Variants in WDR38 observed in about 807,000 individuals in gnomAD.
WDR38 encodes WD repeat domain 38.
Under a neutral mutation model 36.6 loss-of-function variants are expected in WDR38, and 37 were observed. That is an observed-to-expected ratio of 1.01 (90% CI 0.78 to 1.33). The LOEUF (loss-of-function observed/expected upper bound fraction) is 1.33. WDR38 is among the 40% of genes most tolerant of loss of function. The pLI is 0.00. For synonymous variants in WDR38, 164 were observed against 168.1 expected, an observed-to-expected ratio of 0.98 and a Z score of 0.19; for missense variants, 411 against 414.6, an observed-to-expected ratio of 0.99 and a Z score of 0.07.
chr9:124,857,457 C>G, intron 8 of WDR38, 45 bp from the exon 9 acceptor site: 1 of 1,614,136 alleles, frequency 6.2e-7, no homozygotes, highest in Non-Finnish European at 8.5e-7. Context: ...GACAGCTTCT[C>G]CCAAGGCAGG....
intron 2 of WDR38, among the ~76,000 whole-genome samples, chr9:124,854,989 C>A (rs1426886651): frequency 6.6e-6 from 1 of 152,182 alleles, no homozygotes; most frequent in Non-Finnish European, 1.5e-5. Flanking sequence ...AGTCCCCAAT[C>A]TCCCTCCTCC....
chr9:124,856,090 G>T, intron 4 of WDR38, 132 bp downstream of exon 4: 5 of 1,517,928 alleles, frequency 3.3e-6, no homozygotes, highest in Non-Finnish European at 4.5e-6. Flanking sequence ...GGCAACCAAG[G>T]CTGCCCCCAC....
chr9:124,856,421 G>A (rs1233900043), intron 5 of WDR38, 48 bp from the exon 6 acceptor site: 11 of 1,612,006 alleles, frequency 6.8e-6, no homozygotes, highest in African/African-American at 1.3e-5. Flanking sequence ...CCTAGATGCA[G>A]AGTGGGTGGA....
chr9:124,853,537 C>G lies in WDR38; in HGVS notation c.6C>G (p.Asn2Lys). The G allele has an allele frequency of 8.0e-7, 1 of 1,246,466 alleles. No homozygotes were observed. The highest frequency in any genetic ancestry group is 3.1e-5 in the East Asian group (1 of 32,078). 77.2% of individuals were successfully genotyped at this position (1,246,466 alleles called of 1,614,324 possible). The change falls in exon 1 of 9, where the codon AAC (asparagine) becomes AAG (lysine). Residue 2 changes from asparagine (N) to lysine (K), a missense_variant. Physicochemically the swap from Asn to Lys is moderately conservative, Grantham distance 94. Transcript: ENST00000373574. The part of the protein sequence containing the change: M[N>K]SGVPATLAVR... ...CGGGGCGGGGCCGGGTGCCCATGAACAGCGGGGTCCCGGCCACGCTGGCCG... is the reference window on the plus strand; with the variant it reads ...CGGGGCGGGGCCGGGTGCCCATGAAGAGCGGGGTCCCGGCCACGCTGGCCG...
Position 124,857,831 on chromosome 9 carries a change from C to A in WDR38, c.*201C>A. On this transcript the variant is annotated 3_prime_UTR_variant, in exon 9 of 9. Coordinates refer to ENST00000373574, the MANE Select transcript of WDR38 (RefSeq NM_001045476.3). Reference sequence around the variant, plus strand: ...CCCATCAGACACCTGGTCCCCAAAACCAGACCCACCCACCTCCACCCAATC... The same window carrying A: ...CCCATCAGACACCTGGTCCCCAAAAACAGACCCACCCACCTCCACCCAATC... The A allele has an allele frequency of 6.4e-7, 1 of 1,567,420 alleles. No individual in the cohort carries two copies. Among genetic ancestry groups the A allele is most frequent in the Non-Finnish European group, 8.7e-7 (1 of 1,153,304 alleles).
intron 2 of WDR38, 47 bp from the exon 3 acceptor site, chr9:124,855,587 G>T: frequency 1.9e-6 from 3 of 1,564,984 alleles, no homozygotes; most frequent in Non-Finnish European, 2.6e-6. Flanking sequence ...TGCGTGGGCA[G>T]AAGTGGCGGG....
chr9:124,857,732 G>C lies in WDR38; in HGVS notation c.*102G>C. On this transcript the variant is annotated 3_prime_UTR_variant, in exon 9 of 9. Transcript: ENST00000373574. The stretch of plus-strand genomic sequence containing the variant: ...CGCAAAGTGACTGTGCTGGCATCCA[G>C]CAGATCCCCATGGCCAGGACTCTCC... 6.4e-7 allele frequency: 1 copy of C among 1,563,322 alleles called. No homozygotes were observed. The highest frequency in any genetic ancestry group is 8.7e-7 in the Non-Finnish European group (1 of 1,154,620).
In WDR38 at chr9:124,856,594, C is replaced by T; in HGVS notation, c.612C>T (p.Gly204=). 1 of 1,613,818 alleles carries T rather than the reference C, an allele frequency of 6.2e-7. No homozygotes were observed. The highest frequency in any genetic ancestry group is 8.5e-7 in the Non-Finnish European group (1 of 1,179,888). Residue 204 remains glycine (G), a synonymous_variant, in exon 6 of 9, where the codon GGC becomes GGT. Transcript: ENST00000373574. ...NISCLCYSAS[G]LLASGSWDKT... ...GCTGCCTGTGCTATTCAGCATCCGGCCTCCTGGTAAGTGGGGTGTCCTGGG... is the reference window on the plus strand; with the variant it reads ...GCTGCCTGTGCTATTCAGCATCCGGTCTCCTGGTAAGTGGGGTGTCCTGGG...
rs1047279574 is a variant in WDR38 at position 124,857,871 on chromosome 9, G to A, written c.*241G>A. On this transcript the variant is annotated 3_prime_UTR_variant, in exon 9 of 9. Coordinates refer to ENST00000373574, the MANE Select transcript of WDR38 (RefSeq NM_001045476.3). Reference sequence around the variant, plus strand: ...TCCACCCAATCAGTGGAAGTGCCAGGAAACAAAGCAGTCTCAGCCAGCTGT... The same window carrying A: ...TCCACCCAATCAGTGGAAGTGCCAGAAAACAAAGCAGTCTCAGCCAGCTGT... 2 of 1,601,298 alleles carry A rather than the reference G, an allele frequency of 1.2e-6. No individual in the cohort carries two copies. The highest frequency in any genetic ancestry group is 2.2e-5 in the South Asian group (2 of 90,412).
In WDR38 at chr9:124,856,611, T is replaced by G. The variant is rs1829077466; in HGVS notation, c.618+11T>G. The G allele has an allele frequency of 2.5e-6, 4 of 1,613,294 alleles. No homozygotes were observed. The East Asian group carries it at 8.9e-5, about 36-fold the overall frequency. ...GCATCCGGCCTCCTGGTAAGTGGGG[T>G]GTCCTGGGTTCCAGGCTGGTCCCTT... On this transcript the variant is annotated intron_variant, in intron 6 of 8. Transcript: ENST00000373574.
Position 124,855,717 on chromosome 9 carries a change from G to A in WDR38, c.274G>A (p.Val92Met), listed in dbSNP as rs200695577. The A allele has an allele frequency of 5.0e-6, 8 of 1,613,428 alleles. No homozygotes were observed. The Admixed American group carries it at 1.3e-4, about 27-fold the overall frequency. ...SCDCTVRLWD[V>M]ARAKCLRVLK... Reference sequence around the variant, plus strand: ...TGACTGCACTGTCCGCCTGTGGGATGTGGCAAGAGCGAAGTGTCTGCGGGT... The same window carrying A: ...TGACTGCACTGTCCGCCTGTGGGATATGGCAAGAGCGAAGTGTCTGCGGGT... Residue 92 changes from valine to methionine, a missense_variant, in exon 3 of 9, where the codon GTG (valine) becomes ATG (methionine). By Grantham distance (21) the Val-to-Met change is conservative. Coordinates refer to ENST00000373574, the MANE Select transcript of WDR38 (RefSeq NM_001045476.3).
Position 124,857,640 on chromosome 9 carries a change from C to A in WDR38, c.*10C>A. ...GGACCCTCAAACCTAACACCAACCACCTTAGATGGTGCCGACCTCACCCGC... is the reference window on the plus strand; with the variant it reads ...GGACCCTCAAACCTAACACCAACCAACTTAGATGGTGCCGACCTCACCCGC... On this transcript the variant is annotated 3_prime_UTR_variant, in exon 9 of 9. Coordinates refer to ENST00000373574, the MANE Select transcript of WDR38 (RefSeq NM_001045476.3). 8 of 1,613,840 alleles carry A rather than the reference C, an allele frequency of 5.0e-6. No homozygotes were observed. Among genetic ancestry groups the A allele is most frequent in the Non-Finnish European group, 6.8e-6 (8 of 1,180,000 alleles).
At chr9:124,854,650 C>CTT (rs1829001187) in intron 2 of WDR38, among the ~76,000 whole-genome samples, 3 of 152,178 alleles carry the variant, frequency 2.0e-5, no homozygotes, top group African/African-American at 7.2e-5. Flanking sequence ...CTGCAACCCC[C>CTT]GCCTCCTGGG....
intron 2 of WDR38, among the ~76,000 whole-genome samples, 176 bp downstream of exon 2, chr9:124,854,501 G>A (rs1453613856): frequency 1.7e-5 from 2 of 115,552 alleles, no homozygotes; most frequent in Non-Finnish European, 3.6e-5. Flanking sequence ...CCTGGACTCA[G>A]CCTTCTTTAA....
chr9:124,855,770 A>G lies in WDR38; in HGVS notation c.307+20A>G, dbSNP rs1310931716. On this transcript the variant is annotated intron_variant, in intron 3 of 8. Transcript: ENST00000373574. ...TGAAGGGTGAGTGAGCTGGGAGCCAAGCAGCCAGGCCAGCGTTCCCTTTCA... is the reference window on the plus strand; with the variant it reads ...TGAAGGGTGAGTGAGCTGGGAGCCAGGCAGCCAGGCCAGCGTTCCCTTTCA... 6.2e-7 allele frequency: 1 copy of G among 1,613,074 alleles called. No individual in the cohort carries two copies. The highest frequency in any genetic ancestry group is 2.2e-5 in the East Asian group (1 of 44,888).
At position 124,856,868 on chromosome 9, in the gene WDR38, G is replaced by A; in HGVS notation, c.755G>A (p.Gly252Asp). ...GACGAGCTGTGGCTGGCCAGCGCCG[G>A]CTATTCCCGCATGGTAACCACCCCG... The part of the protein sequence containing the change: ...SPDELWLASA[G>D]YSRMVKVWDC... Residue 252 changes from glycine (G) to aspartate (D), a missense_variant, in exon 7 of 9, where the codon GGC becomes GAC. Transcript: ENST00000373574. The A allele has an allele frequency of 1.2e-6, 2 of 1,613,924 alleles. No homozygotes were observed. The highest frequency in any genetic ancestry group is 1.7e-6 in the Non-Finnish European group (2 of 1,180,026).
rs369472293 is a variant in WDR38 at position 124,856,876 on chromosome 9, C to T, written c.763C>T (p.Arg255Cys). Residue 255 changes from arginine (R) to cysteine (C), a missense_variant, in exon 7 of 9, where the codon CGC becomes TGC. Physicochemically the swap from Arg to Cys is radical, Grantham distance 180. Transcript: ENST00000373574. ...GTGGCTGGCCAGCGCCGGCTATTCCCGCATGGTAACCACCCCGGGCCCATC... is the reference window on the plus strand; with the variant it reads ...GTGGCTGGCCAGCGCCGGCTATTCCTGCATGGTAACCACCCCGGGCCCATC... ...ELWLASAGYS[R>C]MVKVWDCNTG... 86 of 1,613,900 alleles carry T rather than the reference C, an allele frequency of 5.3e-5. No individual in the cohort carries two copies. The African/African-American group carries it at 7.9e-4, about 15-fold the overall frequency.
intron 2 of WDR38, 96 bp from the exon 3 acceptor site, chr9:124,855,538 G>C (rs749376634): frequency 5.6e-6 from 7 of 1,256,186 alleles, no homozygotes; most frequent in Non-Finnish European, 7.9e-6. Context: ...GGTGAGGGGA[G>C]GCTGGCGACG....
intron 5 of WDR38, 68 bp downstream of exon 5, chr9:124,856,388 A>C (rs1829067008): frequency 6.2e-7 from 1 of 1,613,196 alleles, no homozygotes; most frequent in Non-Finnish European, 8.5e-7. Context: ...GAGTGGTGGG[A>C]AGGGGATGGA....
Sources: gnomAD v4.1 joint callset for allele counts (sites outside exome capture counted in the v4.1 genomes callset) on GRCh38, gnomAD v4.1.1 for gene constraint, MANE v1.5 for transcripts, NCBI Gene and HGNC (gene_info 2026-07-23, HGNC 2026-07-21) for gene names.